CHM: variants seen among roughly 807,000 people sequenced by gnomAD.
CHM encodes the protein rab proteins geranylgeranyltransferase component A 1.
CHM carries 10 observed loss-of-function variants against 49.0 expected under a neutral mutation model. The observed-to-expected ratio is 0.20, with a 90% CI of 0.13 to 0.35. CHM has a LOEUF of 0.35. Ranked by LOEUF, CHM falls within the 10% of genes least tolerant of loss-of-function variation. The pLI is 1.00. For missense variants in CHM, 455 were observed against 478.4 expected (o/e 0.95, Z 0.46); for synonymous variants, 184 against 167.5 (o/e 1.10, Z -0.76).
At chrX:85,940,952 T>G (rs2147637140) in intron 8 of CHM, among the ~76,000 whole-genome samples, 1 of 111,671 alleles carries the variant, frequency 9.0e-6, no homozygotes, top group Admixed American at 9.6e-5. Context: ...ATCCATTTTC[T>G]AATTCTCTAA....
intron 8 of CHM, among the ~76,000 whole-genome samples, chrX:85,924,960 G>A (rs1928002020): frequency 8.9e-6 from 1 of 111,796 alleles, no homozygotes; most frequent in Non-Finnish European, 1.9e-5. Context: ...TTCTTGATGA[G>A]ACTGTAGATG....
At chrX:86,006,588 C>T (rs748278887) in intron 2 of CHM, among the ~76,000 whole-genome samples, 1 of 111,641 alleles carries the variant, frequency 9.0e-6, no homozygotes, top group Non-Finnish European at 1.9e-5. Flanking sequence ...AATCAATGTG[C>T]AAAAATCACA....
intron 8 of CHM, among the ~76,000 whole-genome samples, chrX:85,917,957 A>T (rs887041818): frequency 8.1e-4 from 90 of 111,784 alleles, no homozygotes; most frequent in African/African-American, 2.8e-3. Flanking sequence ...CCTGAAAGAG[A>T]TGGAGATAGA....
intron 1 of CHM, among the ~76,000 whole-genome samples, chrX:86,033,425 C>T (rs756483316): frequency 8.9e-6 from 1 of 111,907 alleles, no homozygotes; most frequent in Admixed American, 9.5e-5. Context: ...TTATTTATAA[C>T]CAGTGAAGAC....
intron 2 of CHM, among the ~76,000 whole-genome samples, chrX:85,987,089 C>G: frequency 9.0e-6 from 1 of 111,334 alleles, no homozygotes; most frequent in East Asian, 2.8e-4. Flanking sequence ...CACACTGGTT[C>G]TCTAAAATAA....
At chrX:85,903,144 A>C (rs1459664324) in intron 9 of CHM, among the ~76,000 whole-genome samples, 1 of 111,673 alleles carries the variant, frequency 9.0e-6, no homozygotes, top group East Asian at 2.8e-4. Flanking sequence ...GACTCGATAC[A>C]TGGATAGAGG....
chrX:86,019,563 C>G (rs1235507561), intron 2 of CHM: 1 of 111,599 alleles, frequency 9.0e-6, no homozygotes, highest in African/African-American at 3.3e-5. Context: ...GAGAAAGAAA[C>G]AGAGAAGAGG....
chrX:85,988,161 G>A (rs1244139678), intron 2 of CHM, among the ~76,000 whole-genome samples: 1 of 111,928 alleles, frequency 8.9e-6, no homozygotes, highest in East Asian at 2.8e-4. Context: ...AATTCACCAC[G>A]ATCAAGAAGG....
At chrX:86,036,230 G>C (rs1337617687) in intron 1 of CHM, among the ~76,000 whole-genome samples, 2 of 111,397 alleles carry the variant, frequency 1.8e-5, no homozygotes, top group African/African-American at 6.5e-5. Context: ...ATTTTAGGGA[G>C]GCATGAGACA....
chrX:85,903,389 G>A (rs1304679891), intron 9 of CHM, among the ~76,000 whole-genome samples: 1 of 110,772 alleles, frequency 9.0e-6, no homozygotes, highest in Non-Finnish European at 1.9e-5. Flanking sequence ...ATTAAACCTG[G>A]CCCTCAAGCT....
At chrX:85,889,173 G>A (rs896341277) in intron 12 of CHM, among the ~76,000 whole-genome samples, 1 of 111,565 alleles carries the variant, frequency 9.0e-6, no homozygotes, top group Admixed American at 9.5e-5. Context: ...TTATGACCAA[G>A]TCCTCAAAAG....
chrX:85,884,098 C>G (rs935704174), intron 12 of CHM, among the ~76,000 whole-genome samples: 1 of 110,480 alleles, frequency 9.1e-6, no homozygotes, highest in African/African-American at 3.3e-5. Flanking sequence ...TTGGGTATGT[C>G]CTGAAAGATG....
intron 1 of CHM, among the ~76,000 whole-genome samples, chrX:86,038,966 A>G (rs1482102643): frequency 8.9e-6 from 1 of 112,576 alleles, no homozygotes; most frequent in Non-Finnish European, 1.9e-5. Flanking sequence ...ACTTAATCTA[A>G]TACCTCAACC....
In CHM at chrX:85,958,933, A is replaced by C. The variant is rs770527891; in HGVS notation, c.747T>G (p.Ser249=). The C allele has an allele frequency of 2.1e-5, 25 of 1,211,516 alleles. No homozygotes were observed. Among genetic ancestry groups the C allele is most frequent in the Non-Finnish European group, 2.5e-5 (22 of 895,328 alleles). ...RGLLIDLLIK[S]NVSRYAEFKN... is the part of the protein sequence containing the mutation. The stretch of plus-strand genomic sequence containing the variant: ...TAAACTCTGCATATCGACTAACATT[A>C]GATTTGATTAGAAGATCAATTAGTA... Residue 249 remains serine, a synonymous_variant, in exon 6 of 15, where the codon TCT becomes TCG. Transcript: ENST00000357749.
intron 9 of CHM, among the ~76,000 whole-genome samples, chrX:85,906,312 A>G (rs1393986621): frequency 8.9e-6 from 1 of 112,171 alleles, no homozygotes; most frequent in South Asian, 3.7e-4. Flanking sequence ...TTAGCATAGC[A>G]CAGAAGAATC....
intron 1 of CHM, among the ~76,000 whole-genome samples, chrX:86,044,099 A>C (rs1444390916): frequency 1.8e-5 from 2 of 111,644 alleles, no homozygotes; most frequent in African/African-American, 6.5e-5. Flanking sequence ...TTGTCTTAAG[A>C]ACAGCTTTGG....
chrX:85,993,151 C>T (rs777194636), intron 2 of CHM, among the ~76,000 whole-genome samples: 4 of 111,292 alleles, frequency 3.6e-5, no homozygotes, highest in Non-Finnish European at 7.6e-5. Context: ...AAACACAGAT[C>T]ATGACTCATG....
Position 85,900,693 on chromosome X carries a change from C to A in CHM, c.1366G>T (p.Val456Leu). ...RVQYRQISRA[V>L]LITDRSVLKT... Reference sequence around the variant, plus strand: ...AGGACAGATCTATCTGTAATCAGCACTGCCCTGGAGATCTGCCTGTAATGC... The same window carrying A: ...AGGACAGATCTATCTGTAATCAGCAATGCCCTGGAGATCTGCCTGTAATGC... The change falls in exon 11 of 15, where the codon GTG becomes TTG. Residue 456 changes from valine to leucine, a missense_variant. Val to Leu is a conservative substitution (Grantham distance 32). Transcript: ENST00000357749. The A allele has an allele frequency of 1.7e-6, 2 of 1,189,212 alleles. No homozygotes were observed. Among genetic ancestry groups the A allele is most frequent in the East Asian group, 3.0e-5 (1 of 33,584 alleles).
chrX:86,012,128 G>A (rs1046889737), intron 2 of CHM, among the ~76,000 whole-genome samples: 3 of 111,496 alleles, frequency 2.7e-5, no homozygotes, highest in Non-Finnish European at 3.8e-5. Flanking sequence ...AAAACCACTC[G>A]GCAGAAACAT....
Sources: gnomAD v4.1 joint callset for allele counts (sites outside exome capture counted in the v4.1 genomes callset) on GRCh38, gnomAD v4.1.1 for gene constraint, MANE v1.5 for transcripts, NCBI Gene and HGNC (gene_info 2026-07-23, HGNC 2026-07-21) for gene names.